TLN1: variants seen among roughly 807,000 people sequenced by gnomAD.
The protein encoded by TLN1 is talin-1.
TLN1 carries 56 observed loss-of-function variants against 292.3 expected under a neutral mutation model. That is an observed-to-expected ratio of 0.19 (90% confidence interval 0.15 to 0.24). The LOEUF (loss-of-function observed/expected upper bound fraction) is 0.24. Ranked by LOEUF, TLN1 falls within the 10% of genes least tolerant of loss-of-function variation. The pLI is 1.00. For missense variants in TLN1, 2,433 were observed against 3,248.2 expected, an observed-to-expected ratio of 0.75 and a Z score of 6.10; for synonymous variants, 1,119 against 1,253.7, an observed-to-expected ratio of 0.89 and a Z score of 2.27.
Position 35,706,945 on chromosome 9 carries a change from G to C in TLN1, c.4956-45C>G, listed in dbSNP as rs1287786622. On this transcript the variant is annotated intron_variant, in intron 37 of 56. Coordinates refer to ENST00000314888, the MANE Select transcript of TLN1 (RefSeq NM_006289.4). This position sits in a 1 kb window ranked among gnomAD's most constrained non-coding sequence, Gnocchi z 4.2. ...TCCAACACCAAGAACATCCCCTACTGCAAGGCCAGCCTATCCTTCCCCTGT... is the reference window on the plus strand; with the variant it reads ...TCCAACACCAAGAACATCCCCTACTCCAAGGCCAGCCTATCCTTCCCCTGT... 2 of 1,610,264 alleles carry C rather than the reference G, an allele frequency of 1.2e-6. No individual in the cohort carries two copies. Among genetic ancestry groups the C allele is most frequent in the African/African-American group, 2.7e-5 (2 of 74,724 alleles).
rs34723987 is a variant in TLN1 at position 35,706,050 on chromosome 9, T to C, written c.5423A>G (p.Glu1808Gly). 3.1e-6 allele frequency: 5 copies of C among 1,614,102 alleles called. No homozygotes were observed. Among genetic ancestry groups the C allele is most frequent in the Non-Finnish European group, 3.4e-6 (4 of 1,180,042 alleles). ...EAVQMMTEAV[E>G]DLTTTLNEAA... Reference sequence around the variant, plus strand: ...CTCGTTGAGGGTTGTTGTCAGGTCCTCTACGGCCTCGGTCATCATCTGCAC... The same window carrying C: ...CTCGTTGAGGGTTGTTGTCAGGTCCCCTACGGCCTCGGTCATCATCTGCAC... The change falls in exon 41 of 57, where the codon GAG becomes GGG. Residue 1808 changes from glutamate (E) to glycine (G), a missense_variant. Physicochemically the swap from Glu to Gly is moderately conservative, Grantham distance 98. Transcript: ENST00000314888. This position sits in a 1 kb window ranked among gnomAD's most constrained non-coding sequence, Gnocchi z 4.2.
At position 35,724,510 on chromosome 9, in the gene TLN1, A is replaced by G. The variant is rs746747597; in HGVS notation, c.511+62T>C. ...GTAAAACAGTGCCTGGCAGAAGCAG[A>G]TGCTGAAGCCCCTTCCCACCCTTCC... On this transcript the variant is annotated intron_variant, in intron 5 of 56. Coordinates refer to ENST00000314888, the MANE Select transcript of TLN1 (RefSeq NM_006289.4). This position sits in a 1 kb window ranked among gnomAD's most constrained non-coding sequence, Gnocchi z 4.7. The G allele has an allele frequency of 2.9e-5, 46 of 1,585,818 alleles. No homozygotes were observed. Among genetic ancestry groups the G allele is most frequent in the Non-Finnish European group, 3.9e-5 (46 of 1,165,394 alleles).
chr9:35,699,797 A>T lies in TLN1; in HGVS notation c.6768+177T>A, dbSNP rs1358564021. Reference sequence around the variant, plus strand: ...GAGGTGACTGGGAGAACCAAAGATGATAAGAAGGATGGGGCCTGGGAGAAA... The same window carrying T: ...GAGGTGACTGGGAGAACCAAAGATGTTAAGAAGGATGGGGCCTGGGAGAAA... On this transcript the variant is annotated intron_variant, in intron 50 of 56. Coordinates refer to ENST00000314888, the MANE Select transcript of TLN1 (RefSeq NM_006289.4). The surrounding 1 kb of genome is among the most constrained non-coding windows in gnomAD (Gnocchi z 4.0). The T allele has an allele frequency of 5.5e-6, 4 of 726,798 alleles. No homozygotes were observed. The highest frequency in any genetic ancestry group is 6.7e-6 in the Non-Finnish European group (4 of 594,360). 45.0% of individuals were successfully genotyped at this position (726,798 alleles called of 1,614,324 possible). A position where few individuals can be genotyped will look rare whatever the true frequency, so the allele number is the denominator to read the frequency against.
At chr9:35,713,777 A>G (rs1825722153) in intron 25 of TLN1, among the ~76,000 whole-genome samples, 176 bp downstream of exon 25, 1 of 151,682 alleles carries the variant, frequency 6.6e-6, no homozygotes, top group Non-Finnish European at 1.5e-5. Flanking sequence ...AGGAAGAAAG[A>G]AGGAAGGAGA....
In TLN1 at chr9:35,700,056, G is replaced by A; in HGVS notation, c.6686C>T (p.Ala2229Val). 6.2e-7 allele frequency: 1 copy of A among 1,613,216 alleles called. No homozygotes were observed. Among genetic ancestry groups the A allele is most frequent in the South Asian group, 1.1e-5 (1 of 90,978 alleles). The change falls in exon 50 of 57, where the codon GCC becomes GTC. Residue 2229 changes from alanine to valine, a missense_variant. By Grantham distance (64) the Ala-to-Val change is moderately conservative (BLOSUM62 0). Transcript: ENST00000314888. The part of the protein sequence containing the change: ...CKEAAYHPEV[A>V]PDVRLRALHY... ...CAGGGCTCGAAGCCGCACATCAGGG[G>A]CCACTTCTGGGTGGTAAGCTGCTTC...
intron 27 of TLN1, 25 bp from the exon 28 acceptor site, chr9:35,712,149 T>G: frequency 1.2e-6 from 2 of 1,605,444 alleles, no homozygotes; most frequent in East Asian, 2.2e-5. Context: ...GAGACAGGGT[T>G]GCCCAAGTGA....
At chr9:35,721,006 A>G (rs902044864) in intron 10 of TLN1, 93 bp from the exon 11 acceptor site, 1 of 929,522 alleles carries the variant, frequency 1.1e-6, no homozygotes, top group South Asian at 1.5e-5. Flanking sequence ...AGCTGATGAG[A>G]TGCCTTCCCG....
chr9:35,712,094 G>A lies in TLN1; in HGVS notation c.3592C>T (p.Arg1198Cys), dbSNP rs141520624. ...TGGCCAGGTAGGCAGCTGACACAGC[G>A]GTTCAGAGCCTGGGTCACTGCTTTA... Reference protein sequence around the residue: ...VAKAVTQALNRCVSCLPGQRD... With the variant: ...VAKAVTQALNCCVSCLPGQRD... The change falls in exon 28 of 57, where the codon CGC (arginine) becomes TGC (cysteine). Residue 1198 changes from arginine (R) to cysteine (C), a missense_variant. By Grantham distance (180) the Arg-to-Cys change is radical. This residue lies in a region of TLN1 where 1,384 missense variants were observed against 1,699.6 expected (regional missense o/e 0.81). Transcript: ENST00000314888. The A allele has an allele frequency of 6.9e-5, 111 of 1,613,794 alleles. No homozygotes were observed. The highest frequency in any genetic ancestry group is 8.0e-5 in the Non-Finnish European group (94 of 1,179,950).
chr9:35,710,461 A>C lies in TLN1; in HGVS notation c.4326+100T>G, dbSNP rs929029298. The C allele has an allele frequency of 2.3e-5, 35 of 1,501,670 alleles. No individual in the cohort carries two copies. The African/African-American group carries it at 4.9e-4, about 21-fold the overall frequency. The allele number at this position is 1,501,670 out of a possible 1,614,324, so 93.0% of individuals were successfully genotyped here. A position where few individuals can be genotyped will look rare whatever the true frequency, so the allele number is the denominator to read the frequency against. On this transcript the variant is annotated intron_variant, in intron 33 of 56. Coordinates refer to ENST00000314888, the MANE Select transcript of TLN1 (RefSeq NM_006289.4). The stretch of plus-strand genomic sequence containing the variant: ...CCAGATTCCATAGAGTTGGCTTTGC[A>C]AACATAAACTTCTTGATTTATCTAC...
intron 25 of TLN1, 120 bp downstream of exon 25, chr9:35,713,833 T>C (rs1825724140): frequency 9.4e-7 from 1 of 1,064,352 alleles, no homozygotes; most frequent in Non-Finnish European, 1.3e-6. Flanking sequence ...AAAAGAAAAA[T>C]AAAAGAGAGA....
At chr9:35,726,187 C>T (rs550315374) in intron 1 of TLN1, among the ~76,000 whole-genome samples, 9 of 152,332 alleles carry the variant, frequency 5.9e-5, no homozygotes, top group East Asian at 3.9e-4. Flanking sequence ...GGATTACAGG[C>T]GTGAGCCACC....
intron 25 of TLN1, 147 bp downstream of exon 25, chr9:35,713,806 A>T (rs1825723137): frequency 1.2e-6 from 1 of 824,094 alleles, no homozygotes; most frequent in South Asian, 2.4e-5. Context: ...GAAAGAAAAA[A>T]GGAAGGAAGA....
Position 35,714,766 on chromosome 9 carries a change from G to A in TLN1, c.2865C>T (p.Ser955=), listed in dbSNP as rs368090910. The change falls in exon 22 of 57, where the codon AGC becomes AGT. Residue 955 remains serine, a synonymous_variant. Transcript: ENST00000314888. The surrounding 1 kb of genome is among the most constrained non-coding windows in gnomAD (Gnocchi z 4.6). ...SAGPQPLLVQ[S]CKAVAEQIPL... ...ATCCTTCCTAGAGTCTTACCTTGCA[G>A]CTCTGCACCAGCAGGGGCTGGGGGC... 3 of 1,597,422 alleles carry A rather than the reference G, an allele frequency of 1.9e-6. No individual in the cohort carries two copies. The African/African-American group carries it at 4.0e-5, about 21-fold the overall frequency.
chr9:35,710,101 T>C (rs1478412381), intron 33 of TLN1, among the ~76,000 whole-genome samples: 1 of 144,162 alleles, frequency 6.9e-6, no homozygotes, highest in Non-Finnish European at 1.5e-5. Context: ...TGAGCGCCTG[T>C]AGTCCCAGCT....
chr9:35,706,613 G>A lies in TLN1; in HGVS notation c.5089-62C>T, dbSNP rs1413403584. On this transcript the variant is annotated intron_variant, in intron 38 of 56. Coordinates refer to ENST00000314888, the MANE Select transcript of TLN1 (RefSeq NM_006289.4). The surrounding 1 kb of genome is among the most constrained non-coding windows in gnomAD (Gnocchi z 4.2). ...TGCAATAGGACCCTCTGGCTACAAA[G>A]AACTGCTCTTCTGTCCATACCAAAT... is the stretch of plus-strand genomic sequence containing the variant. 6.3e-7 allele frequency: 1 copy of A among 1,598,624 alleles called. No homozygotes were observed. Among genetic ancestry groups the A allele is most frequent in the African/African-American group, 1.3e-5 (1 of 74,604 alleles).
At position 35,708,425 on chromosome 9, in the gene TLN1, C is replaced by T; in HGVS notation, c.4386G>A (p.Val1462=). 1 of 1,610,024 alleles carries T rather than the reference C, an allele frequency of 6.2e-7. No individual in the cohort carries two copies. The highest frequency in any genetic ancestry group is 8.5e-7 in the Non-Finnish European group (1 of 1,177,698). The change falls in exon 34 of 57, where the codon GTG becomes GTA. Residue 1462 remains valine, a synonymous_variant. Coordinates refer to ENST00000314888, the MANE Select transcript of TLN1 (RefSeq NM_006289.4). ...PNSQAGQQGL[V]EPTQFARANQ... is the part of the protein sequence containing the mutation. ...TTGCACGGGCAAACTGTGTGGGCTC[C>T]ACTAGCCCTTGCTGTCCAGCTTGGC...
Position 35,719,442 on chromosome 9 carries a change from A to C in TLN1, c.1687+77T>G. 7.1e-7 allele frequency: 1 copy of C among 1,403,890 alleles called. No individual in the cohort carries two copies. Among genetic ancestry groups the C allele is most frequent in the African/African-American group, 1.4e-5 (1 of 70,826 alleles). 87.0% of individuals were successfully genotyped at this position (1,403,890 alleles called of 1,614,324 possible). ...TGAGTCAAGGCACAGTCACACATGA[A>C]GCCAGTCACATGCATGCCTGTGCAC... On this transcript the variant is annotated intron_variant, in intron 15 of 56. Coordinates refer to ENST00000314888, the MANE Select transcript of TLN1 (RefSeq NM_006289.4). The surrounding 1 kb of genome is among the most constrained non-coding windows in gnomAD (Gnocchi z 4.6).
intron 11 of TLN1, 75 bp from the exon 12 acceptor site, chr9:35,720,584 T>G: frequency 6.9e-7 from 1 of 1,442,660 alleles, no homozygotes; most frequent in Non-Finnish European, 9.6e-7. Flanking sequence ...GCCTCTTCTT[T>G]CCATAACCAG....
In TLN1 at chr9:35,697,669, G is replaced by A; in HGVS notation, c.*122C>T. ...GGGACTGGGCGGGGCCAGGCCCTGG[G>A]GTTTGGCAGGCACTTTGGGGAGTGC... On this transcript the variant is annotated 3_prime_UTR_variant, in exon 57 of 57. Transcript: ENST00000314888. The A allele has an allele frequency of 6.9e-7, 1 of 1,440,546 alleles. No individual in the cohort carries two copies. The highest frequency in any genetic ancestry group is 1.3e-5 in the South Asian group (1 of 75,274). 89.2% of individuals were successfully genotyped at this position (1,440,546 alleles called of 1,614,324 possible).
Sources: allele counts gnomAD v4.1 joint callset (sites outside exome capture counted in the v4.1 genomes callset), GRCh38; gene constraint gnomAD v4.1.1; regional missense constraint gnomAD v4.1.1; non-coding constraint Gnocchi (gnomAD v3.1); transcripts MANE v1.5; gene names NCBI Gene and HGNC (gene_info 2026-07-23, HGNC 2026-07-21).